The following ADGRB3 variants were observed in gnomAD, a reference collection of about 807,000 sequenced individuals.
ADGRB3 encodes the protein brain-specific angiogenesis inhibitor 3.
Under a neutral mutation model 193.4 loss-of-function variants are expected in ADGRB3, and 37 were observed. The ratio of observed to expected loss-of-function variants is 0.19; its 90% CI spans 0.15 to 0.25. The LOEUF is 0.25. Among genes scored for constraint, ADGRB3 ranks in the 10% least tolerant of loss-of-function variants. ADGRB3 has a pLI of 1.00. For synonymous variants in ADGRB3, 690 were observed against 644.2 expected (o/e 1.07, Z -1.08); for missense variants, 1,637 against 1,852.9 (o/e 0.88, Z 2.14).
intron 17 of ADGRB3, among the ~76,000 whole-genome samples, chr6:69,092,846 A>G (rs538458736): frequency 2.1e-4 from 32 of 152,276 alleles, no homozygotes; most frequent in African/African-American, 7.0e-4. Context: ...CGTTTTCAAA[A>G]AAGAACAAGG....
intron 11 of ADGRB3, among the ~76,000 whole-genome samples, chr6:69,009,993 T>A (rs1769887599): frequency 6.6e-6 from 1 of 152,154 alleles, no homozygotes; most frequent in South Asian, 2.1e-4. Context: ...AAAAACAGAA[T>A]TTTTTATTGC....
chr6:69,051,825 A>C (rs562440134), intron 15 of ADGRB3, among the ~76,000 whole-genome samples: 1 of 152,344 alleles, frequency 6.6e-6, no homozygotes, highest in East Asian at 1.9e-4. Context: ...TAATTCTTTT[A>C]AACTTCCCCT....
intron 3 of ADGRB3, among the ~76,000 whole-genome samples, chr6:68,761,345 C>T (rs367794570): frequency 6.9e-6 from 1 of 144,336 alleles, no homozygotes; most frequent in Non-Finnish European, 1.5e-5. Context: ...TTGTCCCTTT[C>T]TTTTGACTCA....
At chr6:69,043,935 G>C (rs1478000613) in intron 13 of ADGRB3, among the ~76,000 whole-genome samples, 1 of 152,124 alleles carries the variant, frequency 6.6e-6, no homozygotes, top group Non-Finnish European at 1.5e-5. Flanking sequence ...CAGCTACTCC[G>C]GAGACTGGGG....
intron 6 of ADGRB3, among the ~76,000 whole-genome samples, chr6:68,951,552 A>G (rs906400769): frequency 1.3e-5 from 2 of 152,150 alleles, no homozygotes; most frequent in Non-Finnish European, 2.9e-5. Context: ...CAGTTGAGCA[A>G]TGCCAATCAC....
rs530515249 is a variant in ADGRB3, at chr6:69,109,623, A to G, written c.2480+33585A>G. Among the ~76,000 whole-genome samples, 575 of 152,336 alleles carry G rather than the reference A, an allele frequency of 3.8e-3. 9 individuals carry two copies. The highest frequency in any genetic ancestry group is 0.013 in the African/African-American group (552 of 41,592). Reference sequence around the variant, plus strand: ...AGTTAAGGTACTTGTCCAGCTTTACATAACTAGTGAGTGAAAAGTTGAAAT... The same window carrying G: ...AGTTAAGGTACTTGTCCAGCTTTACGTAACTAGTGAGTGAAAAGTTGAAAT... On this transcript the variant is annotated intron_variant, in intron 17 of 31. Coordinates refer to ENST00000370598, the MANE Select transcript of ADGRB3 (RefSeq NM_001704.3).
intron 20 of ADGRB3, among the ~76,000 whole-genome samples, chr6:69,307,573 A>G (rs770803881): frequency 6.6e-6 from 1 of 151,598 alleles, no homozygotes. Context: ...TCTGGGCTTG[A>G]CCAGGTCTTG....
chr6:69,059,926 A>G (rs977676709), intron 15 of ADGRB3, among the ~76,000 whole-genome samples: 2 of 152,128 alleles, frequency 1.3e-5, no homozygotes, highest in African/African-American at 4.8e-5. Flanking sequence ...AAGTATTAAA[A>G]TGTTCCAAAG....
intron 24 of ADGRB3, among the ~76,000 whole-genome samples, chr6:69,333,865 G>A (rs1438043140): frequency 6.6e-6 from 1 of 150,856 alleles, no homozygotes; most frequent in Non-Finnish European, 1.5e-5. Flanking sequence ...GGGAGGCGGA[G>A]CTTGCAGAGA....
At chr6:69,323,560 C>T (rs1166565320) in intron 20 of ADGRB3, among the ~76,000 whole-genome samples, 2 of 151,916 alleles carry the variant, frequency 1.3e-5, no homozygotes, top group Non-Finnish European at 2.9e-5. Context: ...TTAAGTACTA[C>T]ATGAAACAAA....
chr6:68,700,894 A>C (rs1765232553), intron 3 of ADGRB3, among the ~76,000 whole-genome samples: 1 of 151,890 alleles, frequency 6.6e-6, no homozygotes, highest in African/African-American at 2.4e-5. Context: ...CGGGTGCAGC[A>C]AACCAACATG....
Position 69,264,402 on chromosome 6 carries a change from C to T in ADGRB3, c.2814+25176C>T, listed in dbSNP as rs143762170. On this transcript the variant is annotated intron_variant, in intron 20 of 31. Transcript: ENST00000370598. ...GAAAATCTATTCTTTCTAATTCCTC[C>T]TCTGGTTTTATTACCCTGTCTTCTT... 3.1e-3 allele frequency among the ~76,000 whole-genome samples: 478 copies of T among 151,982 alleles called. 1 individual carries two copies. Among genetic ancestry groups the T allele is most frequent in the African/African-American group, 0.011 (451 of 41,502 alleles).
intron 13 of ADGRB3, among the ~76,000 whole-genome samples, chr6:69,036,869 G>A (rs539572449): frequency 6.6e-6 from 1 of 152,206 alleles, no homozygotes; most frequent in South Asian, 2.1e-4. Flanking sequence ...TTTTCTAGGA[G>A]CGCTGGCCAG....
intron 3 of ADGRB3, among the ~76,000 whole-genome samples, chr6:68,813,071 G>A (rs1351884972): frequency 1.3e-5 from 2 of 152,098 alleles, no homozygotes; most frequent in Non-Finnish European, 2.9e-5. Flanking sequence ...CACGTGTTGT[G>A]GGAGGGACCC....
At chr6:68,943,718 A>T (rs141705479) in intron 5 of ADGRB3, 112 bp from the exon 6 acceptor site, 24 of 836,696 alleles carry the variant, frequency 2.9e-5, no homozygotes, top group Non-Finnish European at 3.6e-5. Flanking sequence ...CTGAGTTTTA[A>T]CATATCTTTA....
rs568782656 is a variant in ADGRB3 at position 69,174,131 on chromosome 6, A to G, written c.2481-59159A>G. 3.9e-5 allele frequency among the ~76,000 whole-genome samples: 6 copies of G among 152,298 alleles called. No individual in the cohort carries two copies. The South Asian group carries it at 1.2e-3, about 32-fold the overall frequency. The stretch of plus-strand genomic sequence containing the variant: ...CAACTTTTATTTTAGATTCAGAGGT[A>G]CTTGTTCAGGCTTGTTACCTGGGGA... On this transcript the variant is annotated intron_variant, in intron 17 of 31. Transcript: ENST00000370598.
At chr6:68,879,160 A>G (rs1013515104) in intron 3 of ADGRB3, among the ~76,000 whole-genome samples, 21 of 151,690 alleles carry the variant, frequency 1.4e-4, no homozygotes, top group African/African-American at 5.1e-4. Flanking sequence ...AGGTGCTCCA[A>G]TAATGTCAGA....
chr6:68,722,984 C>A (rs1562006065), intron 3 of ADGRB3, among the ~76,000 whole-genome samples: 2 of 151,694 alleles, frequency 1.3e-5, no homozygotes, highest in African/African-American at 4.8e-5. Context: ...TGGAGGGACA[C>A]TGTAGGGTTT....
At chr6:68,696,590 T>C (rs146474273) in intron 3 of ADGRB3, among the ~76,000 whole-genome samples, 58 of 151,988 alleles carry the variant, frequency 3.8e-4, no homozygotes, top group African/African-American at 1.2e-3. Flanking sequence ...CTAGGACATT[T>C]ACATTTATAA....
Sources: allele counts gnomAD v4.1 joint callset (sites outside exome capture counted in the v4.1 genomes callset), GRCh38; gene constraint gnomAD v4.1.1; transcripts MANE v1.5; gene names NCBI Gene and HGNC (gene_info 2026-07-23, HGNC 2026-07-21).